Variants in PCDHGA2 observed in about 807,000 individuals in gnomAD.
PCDHGA2 encodes protocadherin gamma subfamily A, 2.
Under a neutral mutation model 59.2 loss-of-function variants are expected in PCDHGA2, and 40 were observed. The ratio of observed to expected loss-of-function variants is 0.68; its 90% CI spans 0.52 to 0.88. The LOEUF (loss-of-function observed/expected upper bound fraction) is 0.88. PCDHGA2 is among the 40% of genes least tolerant of loss of function. The pLI is 0.00. For missense variants in PCDHGA2, 1,226 were observed against 1,204.0 expected (o/e 1.02, Z -0.27); for synonymous variants, 560 against 526.0 (o/e 1.06, Z -0.89).
chr5:141,356,262 C>T, intron 1 of PCDHGA2: 1 of 1,566,296 alleles, frequency 6.4e-7, no homozygotes, highest in South Asian at 1.2e-5. Flanking sequence ...CTCTCACCAG[C>T]TCAGTCCAGG....
chr5:141,357,109 G>T, intron 1 of PCDHGA2: 1 of 1,613,832 alleles, frequency 6.2e-7, no homozygotes, highest in Non-Finnish European at 8.5e-7. Context: ...GGACAGAGAC[G>T]CGCTCAAGCA....
chr5:141,372,572 C>A (rs1199574805), intron 1 of PCDHGA2: 2 of 1,613,940 alleles, frequency 1.2e-6, no homozygotes, highest in Admixed American at 1.7e-5. Context: ...CTGAGGGCTA[C>A]TTTCAGCCTG....
intron 1 of PCDHGA2, chr5:141,366,646 GC>G: frequency 6.2e-7 from 1 of 1,614,248 alleles, no homozygotes; most frequent in South Asian, 1.1e-5. Context: ...TCTTTCCCCA[GC>G]CCAACTACGC....
At chr5:141,376,267 G>A (rs1021502624) in intron 1 of PCDHGA2, 6 of 1,614,210 alleles carry the variant, frequency 3.7e-6, no homozygotes, top group Non-Finnish European at 5.1e-6. Context: ...TGCAGGCTTC[G>A]GGAGGTGGCT....
rs201470140 is a variant in PCDHGA2 at position 141,340,536 on chromosome 5, A to T, written c.1565A>T (p.Tyr522Phe). Residue 522 changes from tyrosine (Y) to phenylalanine (F), a missense_variant, in exon 1 of 4, where the codon TAT becomes TTT. Tyr to Phe is a conservative substitution (Grantham distance 22, BLOSUM62 3). Transcript: ENST00000394576. ...CTCTATGCACTGCGCTCCTTTGATT[A>T]TGAGCAGTTGCGAGACTTGCAAGTG... ...GVLYALRSFD[Y>F]EQLRDLQVWV... 2.4e-4 allele frequency: 392 copies of T among 1,614,234 alleles called. 4 individuals are homozygous for T. In the Admixed American group the frequency reaches 6.3e-3, roughly 26 times the overall value.
rs1421541308 is a variant in PCDHGA2 at position 141,409,559 on chromosome 5, G to C, written c.2424+68164G>C. On this transcript the variant is annotated intron_variant, in intron 1 of 3. Coordinates refer to ENST00000394576, the MANE Select transcript of PCDHGA2 (RefSeq NM_018915.4). The stretch of plus-strand genomic sequence containing the variant: ...CATCAACGACAACGCCCCAGTTTTC[G>C]ACCAGACGTCCTACGTGGTCCACGT... The C allele has an allele frequency of 1.9e-6, 3 of 1,613,936 alleles. No individual in the cohort carries two copies. The highest frequency in any genetic ancestry group is 1.7e-6 in the Non-Finnish European group (2 of 1,179,910).
chr5:141,461,058 T>C (rs1450016344), intron 1 of PCDHGA2, among the ~76,000 whole-genome samples: 2 of 152,010 alleles, frequency 1.3e-5, no homozygotes, highest in Admixed American at 1.3e-4. Context: ...CTTAGGTTGG[T>C]TTCACATTTT....
At chr5:141,362,446 A>T in intron 1 of PCDHGA2, 1 of 1,613,980 alleles carries the variant, frequency 6.2e-7, no homozygotes, top group Non-Finnish European at 8.5e-7. Flanking sequence ...TCTGAACATA[A>T]CCCCGGAATT....
intron 1 of PCDHGA2, chr5:141,385,778 T>C (rs2150299874): frequency 6.2e-6 from 1 of 161,798 alleles, no homozygotes; most frequent in East Asian, 1.9e-4. Context: ...TGCCTCCATG[T>C]ACCTCAGCTT....
chr5:141,349,980 G>C (rs941978802), intron 1 of PCDHGA2: 16 of 301,608 alleles, frequency 5.3e-5, no homozygotes, highest in African/African-American at 2.6e-4. Context: ...GATTCAAGAG[G>C]TTGCGCTTTG....
chr5:141,476,179 T>C lies in PCDHGA2; in HGVS notation c.2425-18628T>C, dbSNP rs1283155400. 26 of 1,613,476 alleles carry C rather than the reference T, an allele frequency of 1.6e-5. No homozygotes were observed. The highest frequency in any genetic ancestry group is 2.0e-5 in the Non-Finnish European group (24 of 1,179,998). On this transcript the variant is annotated intron_variant, in intron 1 of 3. Transcript: ENST00000394576. This position sits in a 1 kb window ranked among gnomAD's most constrained non-coding sequence, Gnocchi z 7.6. Reference sequence around the variant, plus strand: ...CCGGGAGGGTAGTGGGAGTTTTGCTTCTGCTTGGTGCCTTGAACAAGGCTT... The same window carrying C: ...CCGGGAGGGTAGTGGGAGTTTTGCTCCTGCTTGGTGCCTTGAACAAGGCTT...
At chr5:141,450,608 T>A (rs916441293) in intron 1 of PCDHGA2, among the ~76,000 whole-genome samples, 1 of 151,894 alleles carries the variant, frequency 6.6e-6, no homozygotes, top group East Asian at 1.9e-4. Flanking sequence ...TGCCTCAGCC[T>A]CCTGAGTAGC....
chr5:141,430,245 G>C (rs1000418420), intron 1 of PCDHGA2, among the ~76,000 whole-genome samples: 1 of 104,402 alleles, frequency 9.6e-6, no homozygotes, highest in African/African-American at 6.4e-5. Flanking sequence ...GAAACTCCTA[G>C]GGAGACATCT....
rs756074981 is a variant in PCDHGA2 at position 141,338,924 on chromosome 5, G to T, written c.-48G>T. Reference sequence around the variant, plus strand: ...CCCTGAGGAATAAAGATTGGAATCCGCACTGGATGCTGGAAGTTGACTCGG... The same window carrying T: ...CCCTGAGGAATAAAGATTGGAATCCTCACTGGATGCTGGAAGTTGACTCGG... On this transcript the variant is annotated 5_prime_UTR_variant, in exon 1 of 4. Coordinates refer to ENST00000394576, the MANE Select transcript of PCDHGA2 (RefSeq NM_018915.4). 1.3e-6 allele frequency: 2 copies of T among 1,517,210 alleles called. No homozygotes were observed. Among genetic ancestry groups the T allele is most frequent in the Non-Finnish European group, 1.8e-6 (2 of 1,132,726 alleles). 94.0% of individuals were successfully genotyped at this position (1,517,210 alleles called of 1,614,324 possible). A position where few individuals can be genotyped will look rare whatever the true frequency, so the allele number is the denominator to read the frequency against.
At chr5:141,345,599 C>T (rs1364099035) in intron 1 of PCDHGA2, 1 of 1,614,080 alleles carries the variant, frequency 6.2e-7, no homozygotes, top group Non-Finnish European at 8.5e-7. Flanking sequence ...CCTTCGACTA[C>T]GAGCAATTTA....
intron 1 of PCDHGA2, chr5:141,399,309 CA>C: frequency 6.2e-7 from 1 of 1,613,902 alleles, no homozygotes; most frequent in Non-Finnish European, 8.5e-7. Flanking sequence ...TCTCTTCATC[CA>C]AAAATTCGTA....
At chr5:141,371,815 T>A (rs966835739) in intron 1 of PCDHGA2, 1 of 1,613,856 alleles carries the variant, frequency 6.2e-7, no homozygotes, top group Non-Finnish European at 8.5e-7. Flanking sequence ...ATTGCGCATG[T>A]CAGAGCCTCG....
chr5:141,449,528 G>C (rs1298713821), intron 1 of PCDHGA2, among the ~76,000 whole-genome samples: 1 of 149,040 alleles, frequency 6.7e-6, no homozygotes, highest in African/African-American at 2.5e-5. Context: ...GGCGGAGGTT[G>C]CAGTGAGCCG....
At position 141,340,424 on chromosome 5, in the gene PCDHGA2, G is replaced by A. The variant is rs199786188; in HGVS notation, c.1453G>A (p.Ala485Thr). 152 of 1,614,064 alleles carry A rather than the reference G, an allele frequency of 9.4e-5. No individual in the cohort carries two copies. The highest frequency in any genetic ancestry group is 6.4e-5 in the Non-Finnish European group (76 of 1,180,042). ...CCATGACCCCGACAGCAACGACAAT[G>A]CTCATGTAACTTACTCTTTCGCGGA... Reference protein sequence around the residue: ...TAHDPDSNDNAHVTYSFAEDT... With the variant: ...TAHDPDSNDNTHVTYSFAEDT... Residue 485 changes from alanine (A) to threonine (T), a missense_variant, in exon 1 of 4, where the codon GCT (alanine) becomes ACT (threonine). By Grantham distance (58) the Ala-to-Thr change is moderately conservative. Coordinates refer to ENST00000394576, the MANE Select transcript of PCDHGA2 (RefSeq NM_018915.4).
Sources: gnomAD v4.1 joint callset for allele counts (sites outside exome capture counted in the v4.1 genomes callset) on GRCh38, gnomAD v4.1.1 for gene constraint, Gnocchi (gnomAD v3.1) non-coding constraint, MANE v1.5 for transcripts, NCBI Gene and HGNC (gene_info 2026-07-23, HGNC 2026-07-21) for gene names.